The following PGAP1 variants were observed in gnomAD, a reference collection of about 807,000 sequenced individuals.
The protein encoded by PGAP1 is GPI inositol-deacylase.
PGAP1 carries 76 observed loss-of-function variants against 127.0 expected under a neutral mutation model. The ratio of observed to expected loss-of-function variants is 0.60; its 90% CI spans 0.50 to 0.72. PGAP1 has a LOEUF of 0.72. Among genes scored for constraint, PGAP1 ranks in the 30% least tolerant of loss-of-function variants. PGAP1 has a pLI of 0.00. For missense variants in PGAP1, 982 were observed against 1,071.3 expected (o/e 0.92, Z 1.16); for synonymous variants, 362 against 366.5 (o/e 0.99, Z 0.14).
At chr2:196,868,234 G>A (rs1701302104) in intron 19 of PGAP1, among the ~76,000 whole-genome samples, 1 of 152,146 alleles carries the variant, frequency 6.6e-6, no homozygotes, top group East Asian at 1.9e-4. Context: ...CTGGTACATG[G>A]TAACTGACTG....
At chr2:196,858,117 C>T (rs1700946681) in intron 20 of PGAP1, among the ~76,000 whole-genome samples, 3 of 152,016 alleles carry the variant, frequency 2.0e-5, no homozygotes, top group Admixed American at 2.0e-4. Context: ...AAATTTGACT[C>T]CTGGCTGGGT....
At chr2:196,881,943 G>T (rs922848598) in intron 12 of PGAP1, among the ~76,000 whole-genome samples, 2 of 152,050 alleles carry the variant, frequency 1.3e-5, no homozygotes, top group Non-Finnish European at 2.9e-5. Context: ...TGTCCAGAAT[G>T]GTATTACCTA....
chr2:196,869,143 G>T (rs1576125629), intron 19 of PGAP1, among the ~76,000 whole-genome samples: 1 of 152,142 alleles, frequency 6.6e-6, no homozygotes, highest in Non-Finnish European at 1.5e-5. Flanking sequence ...GTCCTCTTTT[G>T]GTTTACAATT....
intron 10 of PGAP1, among the ~76,000 whole-genome samples, chr2:196,889,279 CTGAGAGATGCAAGTCTCTG>C (rs1434184634): frequency 6.8e-4 from 103 of 152,100 alleles, no homozygotes; most frequent in African/African-American, 2.2e-3. Flanking sequence ...AGATTTTAGG[CTGAGAGATGCAAGTCTCTG>C]TGAGAGATGC....
In PGAP1 at chr2:196,844,555, C is replaced by T. The variant is rs752959324; in HGVS notation, c.2306G>A (p.Ser769Asn). The change falls in exon 24 of 27, where the codon AGC becomes AAC. Residue 769 changes from serine (S) to asparagine (N), a missense_variant. Transcript: ENST00000354764. The stretch of plus-strand genomic sequence containing the variant: ...CTGGCTATTCTTAAAAGTTGTTAAG[C>T]TGGCTTGCAGATGAACAACCTAAGA... ...YVFKVVHLQA[S>N]LTTFKNSQPV... 2 of 1,596,204 alleles carry T rather than the reference C, an allele frequency of 1.3e-6. No individual in the cohort carries two copies. Among genetic ancestry groups the T allele is most frequent in the Non-Finnish European group, 1.7e-6 (2 of 1,173,532 alleles).
chr2:196,892,314 C>G, intron 9 of PGAP1, 32 bp downstream of exon 9: 1 of 1,130,950 alleles, frequency 8.8e-7, no homozygotes, highest in Non-Finnish European at 1.3e-6. Context: ...CTGGAAAAAA[C>G]ATGAAAAAAA....
In PGAP1 at chr2:196,834,365, C is replaced by T. The variant is rs918946302; in HGVS notation, c.*6869G>A. The T allele has an allele frequency of 6.6e-6, 1 of 152,368 alleles. No individual in the cohort carries two copies. Among genetic ancestry groups the T allele is most frequent in the Non-Finnish European group, 1.5e-5 (1 of 67,888 alleles). 9.4% of individuals were successfully genotyped at this position (152,368 alleles called of 1,614,324 possible). A position where few individuals can be genotyped will look rare whatever the true frequency, so the allele number is the denominator to read the frequency against. On this transcript the variant is annotated 3_prime_UTR_variant, in exon 27 of 27. Transcript: ENST00000354764. ...TATTTTAAACTTTTATTTCACCAAC[C>T]TCGAAGACAAGGATTTGGGGCCAAT...
chr2:196,901,615 T>C (rs1275630409), intron 5 of PGAP1, among the ~76,000 whole-genome samples: 1 of 152,190 alleles, frequency 6.6e-6, no homozygotes. Flanking sequence ...CAAGGTTAAA[T>C]ACACATGAAA....
intron 16 of PGAP1, 35 bp from the exon 17 acceptor site, chr2:196,873,061 CAT>C (rs779880793): frequency 1.4e-5 from 9 of 649,792 alleles, no homozygotes; most frequent in Non-Finnish European, 2.2e-5. Context: ...TTATTAACAA[CAT>C]GTTACCCTAA....
At chr2:196,919,621 C>T (rs1364918815) in intron 2 of PGAP1, among the ~76,000 whole-genome samples, 1 of 152,162 alleles carries the variant, frequency 6.6e-6, no homozygotes, top group African/African-American at 2.4e-5. Context: ...TCTTGTTCTG[C>T]ATAACATTAG....
chr2:196,915,789 A>G (rs1356798180), intron 3 of PGAP1, among the ~76,000 whole-genome samples: 1 of 152,200 alleles, frequency 6.6e-6, no homozygotes, highest in Non-Finnish European at 1.5e-5. Context: ...GCATTCAAAG[A>G]TTGAAAAACA....
In PGAP1 at chr2:196,841,181, T is replaced by A; in HGVS notation, c.*53A>T. On this transcript the variant is annotated 3_prime_UTR_variant, in exon 27 of 27. Coordinates refer to ENST00000354764, the MANE Select transcript of PGAP1 (RefSeq NM_024989.4). The stretch of plus-strand genomic sequence containing the variant: ...TACTGATGGATCTGTGTGTTCCCTC[T>A]TATCACTGGCCCTAAACACATAAAT... 6.5e-7 allele frequency: 1 copy of A among 1,543,012 alleles called. No individual in the cohort carries two copies.
At chr2:196,880,245 G>T (rs535331232) in intron 12 of PGAP1, 92 bp from the exon 13 acceptor site, 1 of 801,464 alleles carries the variant, frequency 1.2e-6, no homozygotes, top group African/African-American at 1.9e-5. Flanking sequence ...TACTTAATTC[G>T]TTATCTTAAA....
intron 24 of PGAP1, 137 bp downstream of exon 24, chr2:196,844,387 T>C (rs1269653881): frequency 1.7e-6 from 1 of 571,674 alleles, no homozygotes; most frequent in Non-Finnish European, 3.0e-6. Context: ...AAAATATTCA[T>C]TAGGTTCACT....
At chr2:196,892,632 GA>G (rs749482989) in intron 8 of PGAP1, among the ~76,000 whole-genome samples, 23 of 151,920 alleles carry the variant, frequency 1.5e-4, no homozygotes, top group South Asian at 4.2e-4. Flanking sequence ...TAACTCTAAG[GA>G]ATTATCAACA....
intron 2 of PGAP1, among the ~76,000 whole-genome samples, chr2:196,918,731 A>T (rs1276736636): frequency 2.0e-5 from 3 of 152,196 alleles, no homozygotes; most frequent in Admixed American, 6.5e-5. Flanking sequence ...AGTTTTAATC[A>T]TGAAGGGGCA....
intron 20 of PGAP1, among the ~76,000 whole-genome samples, chr2:196,854,211 C>T (rs1700805438): frequency 6.6e-6 from 1 of 151,922 alleles, no homozygotes; most frequent in Non-Finnish European, 1.5e-5. Flanking sequence ...AAATTCTAAA[C>T]TAAGTCTTTT....
chr2:196,882,802 A>C (rs1189013844), intron 12 of PGAP1, among the ~76,000 whole-genome samples: 2 of 152,184 alleles, frequency 1.3e-5, no homozygotes, highest in African/African-American at 4.8e-5. Context: ...TTGCAAACAA[A>C]GATAATTTGA....
intron 1 of PGAP1, among the ~76,000 whole-genome samples, chr2:196,923,026 T>C (rs911715861): frequency 7.2e-5 from 11 of 152,026 alleles, no homozygotes; most frequent in Non-Finnish European, 1.6e-4. Context: ...ATGACATGCT[T>C]TAAAATGTAT....
Sources: allele counts gnomAD v4.1 joint callset (sites outside exome capture counted in the v4.1 genomes callset), GRCh38; gene constraint gnomAD v4.1.1; transcripts MANE v1.5; gene names NCBI Gene and HGNC (gene_info 2026-07-23, HGNC 2026-07-21).